HSPA12A: variants seen among roughly 807,000 people sequenced by gnomAD.
The protein encoded by HSPA12A is heat shock 70 kDa protein 12A.
HSPA12A carries 28 observed loss-of-function variants against 69.2 expected under a neutral mutation model. The observed-to-expected ratio is 0.40, with a 90% confidence interval of 0.30 to 0.55. HSPA12A has a LOEUF of 0.55. Among genes scored for constraint, HSPA12A ranks in the 20% least tolerant of loss-of-function variants. The pLI, the probability that HSPA12A is intolerant of heterozygous loss-of-function variation, is 0.38. For missense variants in HSPA12A, 686 were observed against 900.7 expected (o/e 0.76, Z 3.05); for synonymous variants, 345 against 370.5 (o/e 0.93, Z 0.79).
At chr10:116,770,345 G>T (rs940028801) in intron 2 of HSPA12A, among the ~76,000 whole-genome samples, 1 of 152,218 alleles carries the variant, frequency 6.6e-6, no homozygotes, top group African/African-American at 2.4e-5. Flanking sequence ...AGTACAGACC[G>T]AAGGGGCAGA....
At chr10:116,681,518 T>C (rs1459695508) in intron 8 of HSPA12A, among the ~76,000 whole-genome samples, 1 of 152,214 alleles carries the variant, frequency 6.6e-6, no homozygotes, top group Non-Finnish European at 1.5e-5. Context: ...GGCACGTACT[T>C]AGTGGGCAGT....
At position 116,700,908 on chromosome 10, in the gene HSPA12A, C is replaced by T. The variant is rs773536824; in HGVS notation, c.441+35G>A. Reference sequence around the variant, plus strand: ...CTGGAGGAAGCTTGGCACTCCATTGCGGGGGACCTGGGCCCAGGGGAGAGG... The same window carrying T: ...CTGGAGGAAGCTTGGCACTCCATTGTGGGGGACCTGGGCCCAGGGGAGAGG... On this transcript the variant is annotated intron_variant, in intron 4 of 11. Coordinates refer to ENST00000369209, the MANE Select transcript of HSPA12A (RefSeq NM_025015.3). The T allele has an allele frequency of 3.2e-4, 505 of 1,601,654 alleles. 1 individual carries two copies. The highest frequency in any genetic ancestry group is 4.5e-5 in the Non-Finnish European group (53 of 1,172,774).
At chr10:116,827,841 C>T (rs935342052) in intron 2 of HSPA12A, among the ~76,000 whole-genome samples, 9 of 152,190 alleles carry the variant, frequency 5.9e-5, no homozygotes, top group African/African-American at 2.2e-4. Flanking sequence ...GTTCCCAAGA[C>T]GCCTCTAAAT....
intron 2 of HSPA12A, among the ~76,000 whole-genome samples, chr10:116,792,240 C>T (rs1255323828): frequency 2.0e-5 from 1 of 50,780 alleles, no homozygotes; most frequent in Non-Finnish European, 3.8e-5. Context: ...GCATGGGCAA[C>T]AAGAATGAAA....
chr10:116,755,784 A>G (rs1554888714), intron 2 of HSPA12A, among the ~76,000 whole-genome samples: 3 of 145,910 alleles, frequency 2.1e-5, no homozygotes, highest in South Asian at 2.3e-4. Flanking sequence ...CCTGGGCAAC[A>G]TGGCAAAACC....
chr10:116,734,869 G>A (rs1405679538), intron 1 of HSPA12A, among the ~76,000 whole-genome samples: 5 of 152,198 alleles, frequency 3.3e-5, no homozygotes, highest in Admixed American at 1.3e-4. Context: ...GTGGGCGAGT[G>A]TAGTCCCAGC....
intron 2 of HSPA12A, among the ~76,000 whole-genome samples, chr10:116,780,630 G>C (rs1331355004): frequency 6.6e-6 from 1 of 152,012 alleles, no homozygotes; most frequent in Non-Finnish European, 1.5e-5. Flanking sequence ...AAATAAACCA[G>C]GTAGGATTAC....
At chr10:116,748,933 C>A (rs1851710673) in intron 2 of HSPA12A, among the ~76,000 whole-genome samples, 1 of 152,186 alleles carries the variant, frequency 6.6e-6, no homozygotes, top group East Asian at 1.9e-4. Context: ...GGAGCTGGGA[C>A]CAGTCACTTG....
chr10:116,774,463 C>T (rs1315740461), intron 2 of HSPA12A, among the ~76,000 whole-genome samples: 2 of 152,122 alleles, frequency 1.3e-5, no homozygotes, highest in Non-Finnish European at 2.9e-5. Flanking sequence ...ATTCTCAGGC[C>T]CCAAGGCAGA....
At chr10:116,835,423 C>T (rs980812072) in intron 1 of HSPA12A, among the ~76,000 whole-genome samples, 9 of 152,144 alleles carry the variant, frequency 5.9e-5, no homozygotes, top group African/African-American at 1.7e-4. Flanking sequence ...GGAGAGATGA[C>T]GCCGAGACTC....
chr10:116,841,314 G>A (rs1486531646), intron 1 of HSPA12A, among the ~76,000 whole-genome samples: 2 of 152,148 alleles, frequency 1.3e-5, no homozygotes, highest in Admixed American at 1.3e-4. Flanking sequence ...TCATATTTCA[G>A]TCTTTGATCT....
chr10:116,804,876 T>C (rs1170705228), intron 2 of HSPA12A, among the ~76,000 whole-genome samples: 5 of 152,234 alleles, frequency 3.3e-5, no homozygotes, highest in Non-Finnish European at 5.9e-5. Flanking sequence ...AATGTTTCAA[T>C]GACAGCTCTG....
At chr10:116,741,469 C>T (rs545909502) in intron 1 of HSPA12A, among the ~76,000 whole-genome samples, 1 of 152,338 alleles carries the variant, frequency 6.6e-6, no homozygotes, top group Non-Finnish European at 1.5e-5. Context: ...CTGGGCCGCG[C>T]TCCTCTCCCC....
chr10:116,747,719 C>T (rs1170362041), intron 2 of HSPA12A, among the ~76,000 whole-genome samples: 2 of 152,196 alleles, frequency 1.3e-5, no homozygotes, highest in East Asian at 3.8e-4. Context: ...ATAATGGAGG[C>T]TGGGCATGGT....
At chr10:116,770,422 A>C (rs112194405) in intron 2 of HSPA12A, among the ~76,000 whole-genome samples, 4,145 of 152,258 alleles carry the variant, frequency 0.027, 193 homozygotes, top group African/African-American at 0.093. Flanking sequence ...CTCAGCGGAC[A>C]CCCAGCACCT....
chr10:116,689,209 G>T (rs566366876), intron 6 of HSPA12A, among the ~76,000 whole-genome samples: 121 of 141,324 alleles, frequency 8.6e-4, no homozygotes, highest in African/African-American at 3.1e-3. Flanking sequence ...TCCTCCACCT[G>T]GCAGGTGGGA....
intron 1 of HSPA12A, among the ~76,000 whole-genome samples, chr10:116,719,709 A>G (rs1850716130): frequency 1.3e-5 from 2 of 152,242 alleles, no homozygotes; most frequent in Admixed American, 1.3e-4. Context: ...TAACAAGTGT[A>G]CCTATTATTA....
intron 2 of HSPA12A, among the ~76,000 whole-genome samples, chr10:116,762,585 T>C (rs1269838441): frequency 1.3e-5 from 2 of 152,098 alleles, no homozygotes; most frequent in African/African-American, 4.8e-5. Flanking sequence ...CCTTACTCTT[T>C]CTTTTTTTAT....
Position 116,686,302 on chromosome 10 carries a change from G to A in HSPA12A, c.664-2340C>T, listed in dbSNP as rs1474312536. 6.6e-5 allele frequency among the ~76,000 whole-genome samples: 10 copies of A among 152,252 alleles called. 1 individual carries two copies. The highest frequency in any genetic ancestry group is 2.0e-4 in the Admixed American group (3 of 15,290). On this transcript the variant is annotated intron_variant, in intron 6 of 11. Transcript: ENST00000369209. This position sits in a 1 kb window ranked among gnomAD's most constrained non-coding sequence, Gnocchi z 4.1. Reference sequence around the variant, plus strand: ...AATAAGACCAAGAGGGGCCCCTTCCGAGGGACAGCTCCTGTGCTGATTCTT... The same window carrying A: ...AATAAGACCAAGAGGGGCCCCTTCCAAGGGACAGCTCCTGTGCTGATTCTT...
Sources: gnomAD v4.1 joint callset for allele counts (sites outside exome capture counted in the v4.1 genomes callset) on GRCh38, gnomAD v4.1.1 for gene constraint, Gnocchi (gnomAD v3.1) non-coding constraint, MANE v1.5 for transcripts, NCBI Gene and HGNC (gene_info 2026-07-23, HGNC 2026-07-21) for gene names.